The following REC8 variants were observed in gnomAD, a reference collection of about 807,000 sequenced individuals.
The protein encoded by REC8 is meiotic recombination protein REC8 homolog.
In REC8, 42 loss-of-function variants were observed where a neutral mutation model predicts 78.3. The ratio of observed to expected loss-of-function variants is 0.54; its 90% CI spans 0.42 to 0.69. The LOEUF (loss-of-function observed/expected upper bound fraction) is 0.69. REC8 is among the 30% of genes least tolerant of loss of function. REC8 has a pLI of 0.00. For synonymous variants in REC8, 268 were observed against 274.1 expected, an observed-to-expected ratio of 0.98 and a Z score of 0.22; for missense variants, 581 against 715.8, an observed-to-expected ratio of 0.81 and a Z score of 2.15.
In REC8 at chr14:24,178,120, C is replaced by T; in HGVS notation, c.894C>T (p.Arg298=). The change falls in exon 12 of 19, where the codon CGC becomes CGT. Residue 298 remains arginine (R), a synonymous_variant. Coordinates refer to ENST00000611366, the MANE Select transcript of REC8 (RefSeq NM_001048205.2). ...GGCCCCCAGTCCCCCCACCTCCTCGCCGCCGCCGTCGTCGCCGGTTACTGT... is the reference window on the plus strand; with the variant it reads ...GGCCCCCAGTCCCCCCACCTCCTCGTCGCCGCCGTCGTCGCCGGTTACTGT... The part of the protein sequence containing the change: ...ERRPPVPPPP[R]RRRRRRLLFW... 3 of 1,613,756 alleles carry T rather than the reference C, an allele frequency of 1.9e-6. No individual in the cohort carries two copies. The highest frequency in any genetic ancestry group is 2.5e-6 in the Non-Finnish European group (3 of 1,179,780).
chr14:24,180,289 C>G (rs1284191318), downstream of REC8: 3 of 1,521,620 alleles, frequency 2.0e-6, no homozygotes, highest in African/African-American at 1.4e-5. Flanking sequence ...ACAGATCCAG[C>G]CTCAGGGACA....
intron 15 of REC8, 36 bp from the exon 16 acceptor site, chr14:24,179,361 A>G (rs2039060262): frequency 6.2e-7 from 1 of 1,611,390 alleles, no homozygotes; most frequent in African/African-American, 1.3e-5. Context: ...CTGCCACCCA[A>G]GCAGACACCC....
chr14:24,177,686 G>A (rs2038962664), intron 10 of REC8, 23 bp from the exon 11 acceptor site: 1 of 1,605,766 alleles, frequency 6.2e-7, no homozygotes, highest in Non-Finnish European at 8.5e-7. Flanking sequence ...TTATGGGACA[G>A]AGCCCCTTGG....
At chr14:24,175,402 GT>G in intron 5 of REC8, 140 bp from the exon 6 acceptor site, 1 of 671,800 alleles carries the variant, frequency 1.5e-6, no homozygotes, top group South Asian at 1.8e-5. Flanking sequence ...GGGCGGGTGA[GT>G]TTACTGCAAG....
At chr14:24,179,492 G>A in intron 16 of REC8, 29 bp downstream of exon 16, 1 of 1,614,016 alleles carries the variant, frequency 6.2e-7, no homozygotes, top group East Asian at 2.2e-5. Flanking sequence ...TGGGAGCCAG[G>A]GCCCACAGCC....
chr14:24,180,774 G>C (rs772098760), downstream of REC8: 7 of 1,611,976 alleles, frequency 4.3e-6, no homozygotes, highest in South Asian at 7.7e-5. Context: ...AGGAAAGAGT[G>C]GCTGACTCAG....
chr14:24,176,943 G>A (rs1005050426), intron 7 of REC8, 42 bp downstream of exon 7: 2 of 1,518,148 alleles, frequency 1.3e-6, no homozygotes, highest in South Asian at 1.1e-5. Context: ...CAGCCCCCTT[G>A]CATGTACTTC....
chr14:24,177,722 G>A lies in REC8; in HGVS notation c.828G>A (p.Pro276=), dbSNP rs201857792. ...PGALLMEVTP[P]EELRLPAPPS... is the part of the protein sequence containing the mutation. Reference sequence around the variant, plus strand: ...GTGTTGTTGCAGAGGTGACCCCCCCGGAGGAGCTGCGTCTGCCAGCCCCAC... The same window carrying A: ...GTGTTGTTGCAGAGGTGACCCCCCCAGAGGAGCTGCGTCTGCCAGCCCCAC... The change falls in exon 11 of 19, where the codon CCG becomes CCA. Residue 276 remains proline, a synonymous_variant. Coordinates refer to ENST00000611366, the MANE Select transcript of REC8 (RefSeq NM_001048205.2). The A allele has an allele frequency of 9.4e-5, 152 of 1,611,170 alleles. No individual in the cohort carries two copies. The highest frequency in any genetic ancestry group is 1.7e-4 in the African/African-American group (13 of 74,712).
intron 5 of REC8, 140 bp downstream of exon 5, chr14:24,173,551 G>T (rs950230872): frequency 8.0e-6 from 12 of 1,494,094 alleles, no homozygotes; most frequent in South Asian, 1.3e-5. Flanking sequence ...GACTGCCAAG[G>T]TGGACCCATC....
chr14:24,173,141 T>C lies in REC8; in HGVS notation c.284T>C (p.Ile95Thr), dbSNP rs1359650587. ...CTGCCCACAGAGGACATCCAGCACA[T>C]CTTGGAGCGCCTCCACCGTGCCCAG... is the stretch of plus-strand genomic sequence containing the variant. Reference protein sequence around the residue: ...CQYLVEDIQHILERLHRAQLQ... With the variant: ...CQYLVEDIQHTLERLHRAQLQ... The change falls in exon 4 of 19, where the codon ATC (isoleucine) becomes ACC (threonine). Residue 95 changes from isoleucine (I) to threonine (T), a missense_variant. Ile to Thr is a moderately conservative substitution (Grantham distance 89). Coordinates refer to ENST00000611366, the MANE Select transcript of REC8 (RefSeq NM_001048205.2). 1 of 1,613,952 alleles carries C rather than the reference T, an allele frequency of 6.2e-7. No homozygotes were observed. The highest frequency in any genetic ancestry group is 1.3e-5 in the African/African-American group (1 of 74,900).
In REC8 at chr14:24,179,919, A is replaced by ATGTGTG; in HGVS notation, c.1558+21_1558+26dup. ...TACCTGCTCCTGGGTGAGTGTATGC[A>ATGTGTG]TGTGTGTGTGTGTATGTGGGGCAGG... On this transcript the variant is annotated intron_variant, in intron 18 of 18. Transcript: ENST00000611366. 2 of 1,612,278 alleles carry ATGTGTG rather than the reference A, an allele frequency of 1.2e-6. No homozygotes were observed. Among genetic ancestry groups the ATGTGTG allele is most frequent in the East Asian group, 4.5e-5 (2 of 44,802 alleles).
intron 5 of REC8, among the ~76,000 whole-genome samples, chr14:24,174,505 T>C (rs2038805614): frequency 6.6e-6 from 1 of 152,132 alleles, no homozygotes. Context: ...CTTGAACTCC[T>C]GATCTCAGGC....
chr14:24,178,918 T>C lies in REC8; in HGVS notation c.1203+2T>C, dbSNP rs1399584272. 6.2e-7 allele frequency: 1 copy of C among 1,612,950 alleles called. No individual in the cohort carries two copies. The highest frequency in any genetic ancestry group is 8.5e-7 in the Non-Finnish European group (1 of 1,179,840). ...ATTGAAGTTCCAAGTGAGATTGAGGTAACTGCACCACCTGTTTACTGCATC... is the reference window on the plus strand; with the variant it reads ...ATTGAAGTTCCAAGTGAGATTGAGGCAACTGCACCACCTGTTTACTGCATC... On this transcript the variant is annotated splice_donor_variant, in intron 14 of 18. Transcript: ENST00000611366. LOFTEE classifies it high-confidence loss of function.
chr14:24,179,666 T>C lies in REC8; in HGVS notation c.1391T>C (p.Met464Thr). 1 of 1,614,092 alleles carries C rather than the reference T, an allele frequency of 6.2e-7. No homozygotes were observed. Among genetic ancestry groups the C allele is most frequent in the Admixed American group, 1.7e-5 (1 of 60,018 alleles). ...GTGCCTGAACTCCCTGAGGTGCCCA[T>C]GGAGATGCCTTTGGTGCTGCCCCCA... is the stretch of plus-strand genomic sequence containing the variant. ...PVVPELPEVPMEMPLVLPPEL... is the reference protein window; with the variant it reads ...PVVPELPEVPTEMPLVLPPEL... Residue 464 changes from methionine to threonine, a missense_variant, in exon 17 of 19, where the codon ATG becomes ACG. Coordinates refer to ENST00000611366, the MANE Select transcript of REC8 (RefSeq NM_001048205.2).
rs940270910 is a variant in REC8, at chr14:24,178,691, G to A, written c.1063+19G>A. ...ACTCTCTGTAAGAATGGTGGGGGTT[G>A]GGCACGAAGTATCCTCAAAACCAAT... is the stretch of plus-strand genomic sequence containing the variant. On this transcript the variant is annotated intron_variant, in intron 13 of 18. Coordinates refer to ENST00000611366, the MANE Select transcript of REC8 (RefSeq NM_001048205.2). 1.2e-6 allele frequency: 2 copies of A among 1,613,906 alleles called. No homozygotes were observed. Among genetic ancestry groups the A allele is most frequent in the Admixed American group, 1.7e-5 (1 of 59,996 alleles).
intron 6 of REC8, among the ~76,000 whole-genome samples, chr14:24,176,571 T>C (rs1187517128): frequency 6.6e-6 from 1 of 152,006 alleles, no homozygotes; most frequent in Non-Finnish European, 1.5e-5. Context: ...CTCAAACTCC[T>C]GGGCTCAAGC....
At chr14:24,178,311 T>A in intron 12 of REC8, 89 bp downstream of exon 12, 1 of 1,205,472 alleles carries the variant, frequency 8.3e-7, no homozygotes, top group Non-Finnish European at 1.2e-6. Flanking sequence ...ACTCCTCAGG[T>A]GGGTGGGGGG....
In REC8 at chr14:24,175,627, C is replaced by CA; in HGVS notation, c.544+4dup. 6.2e-7 allele frequency: 1 copy of CA among 1,611,132 alleles called. No homozygotes were observed. Among genetic ancestry groups the CA allele is most frequent in the Non-Finnish European group, 8.5e-7 (1 of 1,177,442 alleles). ...TCCTACAGAGCCCAGGGAGCCAGGT[C>CA]AGCAGAGAGAACCTTCTTTCTGGTG... On this transcript the variant is annotated splice_donor_region_variant and intron_variant, in intron 6 of 18. Transcript: ENST00000611366.
chr14:24,179,715 A>G lies in REC8; in HGVS notation c.1440A>G (p.Glu480=). 6.2e-7 allele frequency: 1 copy of G among 1,614,216 alleles called. No homozygotes were observed. The highest frequency in any genetic ancestry group is 2.2e-5 in the East Asian group (1 of 44,880). Residue 480 remains glutamate, a synonymous_variant, in exon 17 of 19, where the codon GAA becomes GAG. Transcript: ENST00000611366. ...LPPELELLSL[E]AVHRAVALEL... The stretch of plus-strand genomic sequence containing the variant: ...CAGAGCTCGAGCTGCTCTCACTGGA[A>G]GCAGTGCACAGGTACCAGGGAGGTG...
Sources: gnomAD v4.1 joint callset for allele counts (sites outside exome capture counted in the v4.1 genomes callset) on GRCh38, gnomAD v4.1.1 for gene constraint, MANE v1.5 for transcripts, NCBI Gene and HGNC (gene_info 2026-07-23, HGNC 2026-07-21) for gene names.